The following CDH13 variants were observed in gnomAD, a reference collection of about 807,000 sequenced individuals.
The protein encoded by CDH13 is cadherin-13.
CDH13 carries 24 observed loss-of-function variants against 63.8 expected under a neutral mutation model. The ratio of observed to expected loss-of-function variants is 0.38; its 90% CI spans 0.27 to 0.53. The LOEUF is 0.53. Ranked by LOEUF, CDH13 falls within the 20% of genes least tolerant of loss-of-function variation. The probability of loss-of-function intolerance (pLI) is 0.85; values close to 1 mark genes in which losing one functional copy is unlikely to be tolerated. For missense variants in CDH13, 1,049 were observed against 903.1 expected, an observed-to-expected ratio of 1.16 and a Z score of -2.07; for synonymous variants, 503 against 355.3, an observed-to-expected ratio of 1.42 and a Z score of -4.67.
rs1321734588 is a variant in CDH13, at chr16:83,796,066, A to G, written c.*1036A>G. ...GGCATAAAATAGAGTAAATACAGGT[A>G]GTTTTAAAAGTACCCTTTTGTGTGA... On this transcript the variant is annotated 3_prime_UTR_variant, in exon 14 of 14. Transcript: ENST00000567109. 4 of 152,682 alleles carry G rather than the reference A, an allele frequency of 2.6e-5. No homozygotes were observed. The highest frequency in any genetic ancestry group is 9.6e-5 in the African/African-American group (4 of 41,474). The allele number at this position is 152,682 out of a possible 1,614,324, so 9.5% of individuals were successfully genotyped here.
intron 10 of CDH13, among the ~76,000 whole-genome samples, chr16:83,694,881 T>C (rs1427636557): frequency 1.3e-5 from 2 of 152,172 alleles, no homozygotes; most frequent in East Asian, 3.9e-4. Flanking sequence ...TCCAGATAGA[T>C]GTTTTAATGC....
intron 6 of CDH13, among the ~76,000 whole-genome samples, chr16:83,375,044 T>G (rs981228693): frequency 6.6e-6 from 1 of 152,226 alleles, no homozygotes; most frequent in Non-Finnish European, 1.5e-5. Context: ...GTAGGTAGGA[T>G]TAAGAGCTGA....
chr16:83,722,713 C>A (rs915486346), intron 10 of CDH13, among the ~76,000 whole-genome samples: 1 of 152,202 alleles, frequency 6.6e-6, no homozygotes, highest in African/African-American at 2.4e-5. Context: ...GGTCTTTGTC[C>A]AGCAGAGTCA....
intron 7 of CDH13, among the ~76,000 whole-genome samples, chr16:83,510,203 A>C (rs1403641051): frequency 1.3e-5 from 2 of 152,240 alleles, no homozygotes; most frequent in African/African-American, 4.8e-5. Context: ...TCGAGTGGAT[A>C]AAGTGAAGAA....
chr16:82,920,354 A>C (rs1196657825), intron 2 of CDH13, among the ~76,000 whole-genome samples: 2 of 152,222 alleles, frequency 1.3e-5, no homozygotes, highest in South Asian at 2.1e-4. Flanking sequence ...GAGAAACTCC[A>C]ATGGAAAGAG....
intron 7 of CDH13, among the ~76,000 whole-genome samples, chr16:83,600,212 G>C (rs1907654752): frequency 6.6e-6 from 1 of 152,184 alleles, no homozygotes. Flanking sequence ...ACTGGAACTG[G>C]GTACGGTGTC....
chr16:83,181,009 C>A, intron 4 of CDH13: 1 of 1,523,218 alleles, frequency 6.6e-7, no homozygotes, highest in Non-Finnish European at 8.8e-7. Flanking sequence ...AAATCACAAA[C>A]ATTTTACTTC....
At chr16:83,094,586 C>T (rs1443869545) in intron 3 of CDH13, among the ~76,000 whole-genome samples, 3 of 152,160 alleles carry the variant, frequency 2.0e-5, no homozygotes, top group Non-Finnish European at 2.9e-5. Context: ...CTGTCTTCAG[C>T]AGAAGGCAAG....
intron 6 of CDH13, among the ~76,000 whole-genome samples, chr16:83,385,967 A>G (rs1232034849): frequency 6.6e-6 from 1 of 152,222 alleles, no homozygotes; most frequent in Non-Finnish European, 1.5e-5. Flanking sequence ...AACTATGACC[A>G]TAGCCAGCCC....
At chr16:83,086,397 G>T (rs916950223) in intron 3 of CDH13, among the ~76,000 whole-genome samples, 3 of 152,192 alleles carry the variant, frequency 2.0e-5, no homozygotes, top group Non-Finnish European at 4.4e-5. Context: ...TGTAAAAGGG[G>T]ATAATTCCTT....
chr16:82,939,657 T>G (rs1477532616), intron 2 of CDH13, among the ~76,000 whole-genome samples: 8 of 152,206 alleles, frequency 5.3e-5, no homozygotes, highest in Non-Finnish European at 1.0e-4. Context: ...TTAGTGTGGT[T>G]GTTTGCTGTC....
intron 1 of CDH13, among the ~76,000 whole-genome samples, chr16:82,741,077 A>T (rs1313640909): frequency 1.3e-5 from 2 of 151,962 alleles, no homozygotes; most frequent in Non-Finnish European, 2.9e-5. Context: ...CTCTCCCCAC[A>T]CCCCCAAACC....
chr16:82,935,187 G>A lies in CDH13; in HGVS notation c.157+76714G>A, dbSNP rs146364639. The stretch of plus-strand genomic sequence containing the variant: ...TGATGGTGGATGGGGAAGCAAATAC[G>A]TTCATCTTCACATGGCAGCAAGATG... On this transcript the variant is annotated intron_variant, in intron 2 of 13. Coordinates refer to ENST00000567109, the MANE Select transcript of CDH13 (RefSeq NM_001257.5). 1.5e-4 allele frequency among the ~76,000 whole-genome samples: 23 copies of A among 152,256 alleles called. No individual in the cohort carries two copies. The East Asian group carries it at 3.5e-3, about 23-fold the overall frequency.
chr16:83,568,039 C>T (rs569381224), intron 7 of CDH13, among the ~76,000 whole-genome samples: 1 of 152,282 alleles, frequency 6.6e-6, no homozygotes, highest in Non-Finnish European at 1.5e-5. Context: ...AAACCCAGCT[C>T]ACAAGCAGGC....
At chr16:83,694,265 C>A (rs1388909269) in intron 10 of CDH13, among the ~76,000 whole-genome samples, 1 of 152,196 alleles carries the variant, frequency 6.6e-6, no homozygotes, top group Non-Finnish European at 1.5e-5. Context: ...TGTTCACCCC[C>A]ACATCACTCA....
At chr16:83,228,792 C>T (rs992346057) in intron 5 of CDH13, among the ~76,000 whole-genome samples, 4 of 152,122 alleles carry the variant, frequency 2.6e-5, no homozygotes, top group East Asian at 1.9e-4. Flanking sequence ...ACTCCTGCGG[C>T]GAAAGGGACA....
intron 5 of CDH13, among the ~76,000 whole-genome samples, chr16:83,303,060 C>T (rs949862111): frequency 2.6e-5 from 4 of 152,146 alleles, no homozygotes; most frequent in African/African-American, 9.7e-5. Flanking sequence ...CAGCAATTGC[C>T]CACATGATGG....
intron 2 of CDH13, among the ~76,000 whole-genome samples, chr16:82,908,218 C>T (rs550844290): frequency 1.4e-4 from 21 of 152,156 alleles, no homozygotes; most frequent in African/African-American, 5.1e-4. Context: ...AGGATATTGT[C>T]CCATGAATAC....
intron 7 of CDH13, among the ~76,000 whole-genome samples, chr16:83,565,301 G>C (rs913046771): frequency 6.6e-6 from 1 of 151,160 alleles, no homozygotes; most frequent in African/African-American, 2.4e-5. Flanking sequence ...CCTCATCTGC[G>C]CTATAGGCAC....
Sources: gnomAD v4.1 joint callset for allele counts (sites outside exome capture counted in the v4.1 genomes callset) on GRCh38, gnomAD v4.1.1 for gene constraint, MANE v1.5 for transcripts, NCBI Gene and HGNC (gene_info 2026-07-23, HGNC 2026-07-21) for gene names.